Variants in CNOT6L observed in about 807,000 individuals in gnomAD.
The protein encoded by CNOT6L is CCR4-NOT transcription complex subunit 6 like, also known as CCR4-NOT transcription complex subunit 6-like.
A neutral mutation model predicts 64.0 loss-of-function variants in CNOT6L; 7 were observed. The ratio of observed to expected loss-of-function variants is 0.11; its 90% CI spans 0.06 to 0.21. The LOEUF (loss-of-function observed/expected upper bound fraction) is 0.21, where lower values mean the gene tolerates loss of function less well. Ranked by LOEUF, CNOT6L falls within the 10% of genes least tolerant of loss-of-function variation. The probability of loss-of-function intolerance (pLI) is 1.00; values close to 1 mark genes in which losing one functional copy is unlikely to be tolerated. For synonymous variants in CNOT6L, 193 were observed against 243.4 expected, an observed-to-expected ratio of 0.79 and a Z score of 1.93; for missense variants, 245 against 669.0, an observed-to-expected ratio of 0.37 and a Z score of 6.99.
Position 77,714,531 on chromosome 4 carries a change from C to G in CNOT6L, c.*5900G>C, listed in dbSNP as rs1720548619. On this transcript the variant is annotated 3_prime_UTR_variant, in exon 12 of 12. Coordinates refer to ENST00000504123, the MANE Select transcript of CNOT6L (RefSeq NM_144571.3). Reference sequence around the variant, plus strand: ...CAAAGCCAAAGATGAAACATTCAACCTTCTCAAAATATTCCAAGTAGTTCT... The same window carrying G: ...CAAAGCCAAAGATGAAACATTCAACGTTCTCAAAATATTCCAAGTAGTTCT... 6.7e-6 allele frequency: 1 copy of G among 149,218 alleles called. No homozygotes were observed. Among genetic ancestry groups the G allele is most frequent in the African/African-American group, 2.5e-5 (1 of 40,320 alleles). The allele number at this position is 149,218 out of a possible 1,614,324, so 9.2% of individuals were successfully genotyped here.
chr4:77,797,709 A>G (rs1323413933), intron 1 of CNOT6L, among the ~76,000 whole-genome samples: 4 of 152,198 alleles, frequency 2.6e-5, no homozygotes, highest in African/African-American at 9.7e-5. Flanking sequence ...GCCAAAATCA[A>G]TGGTAAGAAT....
intron 1 of CNOT6L, among the ~76,000 whole-genome samples, chr4:77,799,690 G>A (rs1341244012): frequency 1.6e-5 from 2 of 126,470 alleles, no homozygotes; most frequent in Admixed American, 1.8e-4. Context: ...GGTGAGGGGA[G>A]TGAAACTCCA....
intron 4 of CNOT6L, among the ~76,000 whole-genome samples, chr4:77,766,639 A>T (rs1414296413): frequency 2.0e-5 from 3 of 152,006 alleles, no homozygotes; most frequent in Admixed American, 2.0e-4. Context: ...ATGAGAGTTT[A>T]GCCAAGAAGG....
At chr4:77,803,913 GA>G (rs1731912605) in intron 1 of CNOT6L, among the ~76,000 whole-genome samples, 1 of 151,120 alleles carries the variant, frequency 6.6e-6, no homozygotes, top group South Asian at 2.1e-4. Flanking sequence ...AAAAAAAAAA[GA>G]AAAAAGCGTG....
intron 1 of CNOT6L, among the ~76,000 whole-genome samples, chr4:77,779,795 A>AC (rs763023021): frequency 6.6e-6 from 1 of 152,114 alleles, no homozygotes; most frequent in South Asian, 2.1e-4. Context: ...CCCCGTCTCT[A>AC]CCAAAAAAAA....
At chr4:77,790,072 C>G (rs1173239813) in intron 1 of CNOT6L, among the ~76,000 whole-genome samples, 4 of 151,870 alleles carry the variant, frequency 2.6e-5, no homozygotes, top group African/African-American at 9.7e-5. Flanking sequence ...ATCATTCCCT[C>G]TCCCCCTCCC....
At chr4:77,796,847 A>G (rs1030063666) in intron 1 of CNOT6L, among the ~76,000 whole-genome samples, 1 of 152,076 alleles carries the variant, frequency 6.6e-6, no homozygotes, top group African/African-American at 2.4e-5. Context: ...TTGGGAGGGC[A>G]AGGAAGGCAG....
At chr4:77,739,249 A>C (rs777639582) in intron 8 of CNOT6L, among the ~76,000 whole-genome samples, 107 of 152,196 alleles carry the variant, frequency 7.0e-4, no homozygotes, top group Non-Finnish European at 4.0e-4. Context: ...TTAAACAGTC[A>C]TCAGTGAAGA....
intron 2 of CNOT6L, 57 bp downstream of exon 2, chr4:77,776,214 T>G: frequency 6.4e-7 from 1 of 1,558,338 alleles, no homozygotes; most frequent in Non-Finnish European, 8.7e-7. Flanking sequence ...ATAGCAATAC[T>G]CAACTTTTGT....
At chr4:77,780,096 T>C (rs987503419) in intron 1 of CNOT6L, among the ~76,000 whole-genome samples, 50 of 152,148 alleles carry the variant, frequency 3.3e-4, no homozygotes, top group African/African-American at 6.3e-4. Context: ...AAAAATCTAT[T>C]TCAAAATAAC....
At chr4:77,768,413 C>T (rs1019618236) in intron 4 of CNOT6L, among the ~76,000 whole-genome samples, 1 of 149,396 alleles carries the variant, frequency 6.7e-6, no homozygotes. Context: ...TTGCAGTGGC[C>T]GAGATCGCGC....
intron 11 of CNOT6L, 42 bp downstream of exon 11, chr4:77,726,125 A>G: frequency 6.6e-7 from 1 of 1,524,524 alleles, no homozygotes; most frequent in Non-Finnish European, 9.1e-7. Context: ...ACATGCTTGT[A>G]TCTGAAATAA....
At chr4:77,761,994 A>C (rs569161594) in intron 4 of CNOT6L, among the ~76,000 whole-genome samples, 83 of 152,290 alleles carry the variant, frequency 5.5e-4, no homozygotes, top group Middle Eastern at 3.4e-3. Context: ...ATAAAAAATC[A>C]AGTAAGTAGA....
upstream of CNOT6L, chr4:77,819,506 C>A (rs1734056249): frequency 8.8e-7 from 1 of 1,142,038 alleles, no homozygotes; most frequent in Non-Finnish European, 1.2e-6. Flanking sequence ...CGCGGCGGCA[C>A]ACAGGGCCCG....
chr4:77,728,623 AT>A (rs1238912106), intron 10 of CNOT6L, among the ~76,000 whole-genome samples: 1 of 152,106 alleles, frequency 6.6e-6, no homozygotes, highest in Non-Finnish European at 1.5e-5. Context: ...CTATTACTAA[AT>A]CCCCTAGTGG....
At chr4:77,726,783 T>C (rs1721897960) in intron 10 of CNOT6L, among the ~76,000 whole-genome samples, 1 of 152,208 alleles carries the variant, frequency 6.6e-6, no homozygotes, top group South Asian at 2.1e-4. Context: ...TGCGAATATA[T>C]AAGTAGAGCA....
intron 1 of CNOT6L, among the ~76,000 whole-genome samples, chr4:77,787,126 G>A (rs1447177852): frequency 6.6e-6 from 1 of 152,044 alleles, no homozygotes; most frequent in East Asian, 1.9e-4. Flanking sequence ...AAACAGCCGG[G>A]TGTGGTGGCG....
intron 1 of CNOT6L, among the ~76,000 whole-genome samples, chr4:77,816,729 C>T (rs1733627465): frequency 6.6e-6 from 1 of 152,074 alleles, no homozygotes; most frequent in Admixed American, 6.6e-5. Flanking sequence ...CTGGGAAACC[C>T]GGCATTTGTA....
intron 5 of CNOT6L, among the ~76,000 whole-genome samples, chr4:77,750,939 C>T (rs1214347556): frequency 6.6e-6 from 1 of 152,142 alleles, no homozygotes; most frequent in Non-Finnish European, 1.5e-5. Context: ...CTGCTGAAAT[C>T]ACAGATTTAA....
Sources: gnomAD v4.1 joint callset for allele counts (sites outside exome capture counted in the v4.1 genomes callset) on GRCh38, gnomAD v4.1.1 for gene constraint, MANE v1.5 for transcripts, NCBI Gene and HGNC (gene_info 2026-07-23, HGNC 2026-07-21) for gene names.